Variants in PMM2 observed in about 807,000 individuals in gnomAD.
PMM2 encodes phosphomannomutase 2, also known as mannose-6-phosphate isomerase.
A neutral mutation model predicts 33.2 loss-of-function variants in PMM2; 35 were observed. That is an observed-to-expected ratio of 1.06 (90% CI 0.81 to 1.40). The LOEUF (loss-of-function observed/expected upper bound fraction) is 1.40. PMM2 is among the 40% of genes most tolerant of loss of function. The pLI, the probability that PMM2 is intolerant of heterozygous loss-of-function variation, is 0.00. For synonymous variants in PMM2, 153 were observed against 114.7 expected (o/e 1.33, Z -2.13); for missense variants, 386 against 306.0 (o/e 1.26, Z -1.95).
chr16:8,804,031 G>GTTTTTTTTGTTTTTT (rs2060631723), intron 2 of PMM2, among the ~76,000 whole-genome samples: 5 of 87,492 alleles, frequency 5.7e-5, no homozygotes, highest in Non-Finnish European at 6.9e-5. Flanking sequence ...GGTTTTTTTT[G>GTTTTTTTTGTTTTTT]TTTTTTTTTT....
At chr16:8,814,071 T>C (rs2060693161) in intron 7 of PMM2, among the ~76,000 whole-genome samples, 1 of 151,996 alleles carries the variant, frequency 6.6e-6, no homozygotes, top group African/African-American at 2.4e-5. Context: ...TTTACCATGT[T>C]AACCAGGCTG....
chr16:8,836,210 T>C (rs1311185037), intron 7 of PMM2, among the ~76,000 whole-genome samples: 8 of 151,904 alleles, frequency 5.3e-5, no homozygotes, highest in East Asian at 1.9e-4. Context: ...TACCCTCCAC[T>C]GTGAGAGTTA....
At chr16:8,833,158 G>A (rs1204773430) in intron 7 of PMM2, among the ~76,000 whole-genome samples, 1 of 152,180 alleles carries the variant, frequency 6.6e-6, no homozygotes, top group Non-Finnish European at 1.5e-5. Context: ...AAAGGGTGGT[G>A]GATTATCATT....
chr16:8,803,018 T>G (rs1352751608), intron 2 of PMM2, among the ~76,000 whole-genome samples: 1 of 152,068 alleles, frequency 6.6e-6, no homozygotes, highest in African/African-American at 2.4e-5. Context: ...GTAGGGTCTT[T>G]AGCAACATCC....
Position 8,813,645 on chromosome 16 carries a change from C to T in PMM2, c.639+539C>T, listed in dbSNP as rs780680468. Among the ~76,000 whole-genome samples the T allele has an allele frequency of 3.9e-5, 6 of 152,012 alleles. No individual in the cohort carries two copies. The East Asian group carries it at 7.7e-4, about 20-fold the overall frequency. The stretch of plus-strand genomic sequence containing the variant: ...TGCCCCCAAGGGATGTCAGAAATCT[C>T]GAGTTCAGGGCCAAATCTAAACTGA... On this transcript the variant is annotated intron_variant, in intron 7 of 7. Transcript: ENST00000268261.
intron 2 of PMM2, among the ~76,000 whole-genome samples, chr16:8,804,031 G>T (rs182088582): frequency 0.011 from 970 of 87,306 alleles, 27 homozygotes; most frequent in African/African-American, 0.04. Flanking sequence ...GGTTTTTTTT[G>T]TTTTTTTTTT....
chr16:8,845,100 G>A (rs547324523), intron 7 of PMM2, among the ~76,000 whole-genome samples: 1 of 152,332 alleles, frequency 6.6e-6, no homozygotes, highest in South Asian at 2.1e-4. Context: ...TTTCACCTGG[G>A]TGCAGGCGGG....
chr16:8,842,826 G>A (rs2060898697), intron 7 of PMM2, among the ~76,000 whole-genome samples: 2 of 152,166 alleles, frequency 1.3e-5, no homozygotes, highest in Non-Finnish European at 2.9e-5. Flanking sequence ...GCGTGCTGTG[G>A]GATGGGATAT....
intron 7 of PMM2, among the ~76,000 whole-genome samples, chr16:8,843,038 G>C (rs2060900691): frequency 6.6e-6 from 1 of 152,138 alleles, no homozygotes; most frequent in South Asian, 2.1e-4. Flanking sequence ...CAGGGAAGCA[G>C]ATAATTTGCT....
chr16:8,806,446 A>G (rs1169531963), intron 4 of PMM2, 39 bp downstream of exon 4: 2 of 1,227,226 alleles, frequency 1.6e-6, no homozygotes, highest in Admixed American at 1.7e-5. Context: ...ACAGGAACAT[A>G]GCGTAGTGTC....
chr16:8,806,102 A>C (rs1228674198), intron 3 of PMM2, among the ~76,000 whole-genome samples: 1 of 152,202 alleles, frequency 6.6e-6, no homozygotes, highest in Non-Finnish European at 1.5e-5. Flanking sequence ...GATGAAGCAG[A>C]AAATGCTTTT....
chr16:8,804,759 G>C lies in PMM2; in HGVS notation c.179-8G>C. The C allele has an allele frequency of 3.7e-6, 6 of 1,606,820 alleles. No individual in the cohort carries two copies. The highest frequency in any genetic ancestry group is 4.3e-6 in the Non-Finnish European group (5 of 1,173,514). On this transcript the variant is annotated splice_polypyrimidine_tract_variant and splice_region_variant and intron_variant, in intron 2 of 7. Transcript: ENST00000268261. ...GCATTCTAAGTGTTTTTTTGGTTTT[G>C]ATTGTAGTGGTTGAAAAATACGATT...
intron 6 of PMM2, among the ~76,000 whole-genome samples, chr16:8,812,344 A>G (rs182760055): frequency 6.6e-6 from 1 of 152,308 alleles, no homozygotes; most frequent in African/African-American, 2.4e-5. Context: ...TGCTTTGCAC[A>G]CCGATTTCTC....
rs183388867 is a variant in PMM2, at chr16:8,827,991, C to A, written c.639+14885C>A. Among the ~76,000 whole-genome samples, 498 of 113,172 alleles carry A rather than the reference C, an allele frequency of 4.4e-3. 4 individuals are homozygous for A. Among genetic ancestry groups the A allele is most frequent in the African/African-American group, 0.016 (481 of 29,802 alleles). The allele number at this position is 113,172 out of a possible 152,430, so 74.2% of individuals were successfully genotyped here. ...TATATATATATAAAACTTGGATATC[C>A]ATTTTTAATTAAGCAGATTTTAACT... On this transcript the variant is annotated intron_variant, in intron 7 of 7. Transcript: ENST00000268261.
chr16:8,811,846 A>G (rs1596489239), intron 6 of PMM2, 133 bp downstream of exon 6: 2 of 717,280 alleles, frequency 2.8e-6, no homozygotes, highest in Non-Finnish European at 5.1e-6. Context: ...AGTCCAGTCT[A>G]TAGACAAAAA....
At chr16:8,812,909 AG>A in intron 6 of PMM2, 81 bp from the exon 7 acceptor site, 1 of 841,478 alleles carries the variant, frequency 1.2e-6, no homozygotes, top group Non-Finnish European at 2.1e-6. Context: ...AACTGACAAA[AG>A]AGTAAATTGT....
At chr16:8,801,730 C>T in intron 1 of PMM2, 69 bp from the exon 2 acceptor site, 2 of 973,490 alleles carry the variant, frequency 2.1e-6, no homozygotes, top group South Asian at 2.7e-5. Flanking sequence ...ACTTGTGTTA[C>T]CCTTAGAGTT....
chr16:8,838,271 A>T (rs143920175), intron 7 of PMM2, among the ~76,000 whole-genome samples: 22,767 of 152,062 alleles, frequency 0.15, 1,888 homozygotes, highest in East Asian at 0.25. Flanking sequence ...ACAAATCACA[A>T]TGGTGGAATG....
At chr16:8,831,974 T>A (rs989867155) in intron 7 of PMM2, 1 of 205,360 alleles carries the variant, frequency 4.9e-6, no homozygotes, top group Non-Finnish European at 8.6e-6. Flanking sequence ...GCTTGGGAGG[T>A]GGCTGAGTTC....
Sources: allele counts gnomAD v4.1 joint callset (sites outside exome capture counted in the v4.1 genomes callset), GRCh38; gene constraint gnomAD v4.1.1; transcripts MANE v1.5; gene names NCBI Gene and HGNC (gene_info 2026-07-23, HGNC 2026-07-21).